GRK7: variants seen among roughly 807,000 people sequenced by gnomAD.
The protein encoded by GRK7 is rhodopsin kinase GRK7.
A neutral mutation model predicts 34.1 loss-of-function variants in GRK7; 24 were observed. The ratio of observed to expected loss-of-function variants is 0.70; its 90% CI spans 0.51 to 0.99. The LOEUF (loss-of-function observed/expected upper bound fraction) is 0.99, where lower values mean the gene tolerates loss of function less well. Among genes scored for constraint, GRK7 ranks in the 50% least tolerant of loss-of-function variants. The pLI is 0.00. For synonymous variants in GRK7, 256 were observed against 279.4 expected (o/e 0.92, Z 0.84); for missense variants, 644 against 707.3 (o/e 0.91, Z 1.02).
At position 141,773,397 on chromosome 3, in the gene GRK7, ATCT is replaced by A. The variant is rs1483688988; in HGVS notation, c.-214-1176_-214-1174del. Among the ~76,000 whole-genome samples, 4 of 152,072 alleles carry A rather than the reference ATCT, an allele frequency of 2.6e-5. No homozygotes were observed. In the East Asian group the frequency reaches 5.8e-4, roughly 22 times the overall value. On this transcript the variant is annotated intron_variant, in intron 1 of 5. Coordinates refer to ENST00000682958, the MANE Select transcript of GRK7 (RefSeq NM_139209.3). ...AGATGTGCATGGGACACAGGAACCC[ATCT>A]TCTTCTACATCGCTTAGGCCTTTCT...
At position 141,818,427 on chromosome 3, in the gene GRK7, G is replaced by C. The variant is rs1711175396; in HGVS notation, c.*1377G>C. 2.0e-5 allele frequency: 3 copies of C among 152,806 alleles called. No individual in the cohort carries two copies. The South Asian group carries it at 6.2e-4, about 32-fold the overall frequency. 9.5% of individuals were successfully genotyped at this position (152,806 alleles called of 1,614,324 possible). ...ACCCAGGAGGCGGAGGTTGTAGTGA[G>C]CCAAGATCGCAACATTGCACTCCAG... On this transcript the variant is annotated 3_prime_UTR_variant, in exon 6 of 6. Coordinates refer to ENST00000682958, the MANE Select transcript of GRK7 (RefSeq NM_139209.3).
At chr3:141,773,607 G>A (rs2084626347) in intron 1 of GRK7, among the ~76,000 whole-genome samples, 1 of 152,086 alleles carries the variant, frequency 6.6e-6, no homozygotes. Flanking sequence ...CACCTCCCGG[G>A]GTTTCACCGT....
chr3:141,795,521 G>C (rs1317525518), intron 4 of GRK7, among the ~76,000 whole-genome samples: 1 of 152,144 alleles, frequency 6.6e-6, no homozygotes, highest in African/African-American at 2.4e-5. Context: ...GGTGACTAAC[G>C]ATACAACTAG....
chr3:141,810,879 A>C (rs1303626793), intron 5 of GRK7, among the ~76,000 whole-genome samples: 1 of 152,092 alleles, frequency 6.6e-6, no homozygotes, highest in African/African-American at 2.4e-5. Context: ...AATCACTAAC[A>C]ATCTCTACCC....
At position 141,780,623 on chromosome 3, in the gene GRK7, C is replaced by T; in HGVS notation, c.862C>T (p.Leu288=). Residue 288 remains leucine (L), a synonymous_variant, in exon 4 of 6, where the codon CTG becomes TTG. Transcript: ENST00000682958. ...FHIYNVGTRG[L]DMSRVIFYSA... ...CATCTACAACGTGGGCACGCGTGGC[C>T]TGGACATGAGCCGGGTGATCTTTTA... 6.2e-7 allele frequency: 1 copy of T among 1,614,232 alleles called. No homozygotes were observed. Among genetic ancestry groups the T allele is most frequent in the Non-Finnish European group, 8.5e-7 (1 of 1,180,046 alleles).
At chr3:141,772,974 A>G (rs1037056918) in intron 1 of GRK7, among the ~76,000 whole-genome samples, 1 of 152,012 alleles carries the variant, frequency 6.6e-6, no homozygotes, top group Non-Finnish European at 1.5e-5. Context: ...CATCTCTACT[A>G]AAAATACAAA....
chr3:141,794,747 A>G (rs2084741186), intron 4 of GRK7, among the ~76,000 whole-genome samples: 1 of 152,238 alleles, frequency 6.6e-6, no homozygotes, highest in African/African-American at 2.4e-5. Context: ...TAGTGGAGAC[A>G]GAACGCAGTG....
chr3:141,753,049 T>C, the GRK7 span, among the ~76,000 whole-genome samples: 1 of 152,192 alleles, frequency 6.6e-6, no homozygotes, highest in East Asian at 1.9e-4. Flanking sequence ...TGGCATTTTG[T>C]TTGGCAGCCC....
rs188770241 is a variant in GRK7, at chr3:141,812,842, G to A, written c.1326-3872G>A. On this transcript the variant is annotated intron_variant, in intron 5 of 5. Transcript: ENST00000682958. The stretch of plus-strand genomic sequence containing the variant: ...CTCATGTGAAAGCTGCTTAGACTGG[G>A]TTTTAAGGGCCCTTTTGACACCTGA... Among the ~76,000 whole-genome samples the A allele has an allele frequency of 3.9e-4, 60 of 152,238 alleles. 1 individual carries two copies. The East Asian group carries it at 0.011, about 28-fold the overall frequency.
chr3:141,775,864 G>A (rs1038622385), intron 2 of GRK7, among the ~76,000 whole-genome samples: 1 of 151,712 alleles, frequency 6.6e-6, no homozygotes, highest in African/African-American at 2.4e-5. Context: ...TTTTCTACTG[G>A]GCAGTATTGG....
intron 1 of GRK7, among the ~76,000 whole-genome samples, 142 bp downstream of exon 1, chr3:141,765,880 C>G (rs538195539): frequency 3.3e-5 from 5 of 152,212 alleles, no homozygotes; most frequent in African/African-American, 4.8e-5. Context: ...GTACTACTTA[C>G]GAATTCTCTT....
chr3:141,778,295 TG>T lies in GRK7; in HGVS notation c.16del (p.Ala6ProfsTer5). On this transcript the variant is annotated frameshift_variant, in exon 3 of 6. Transcript: ENST00000682958. LOFTEE classifies it high-confidence loss of function. The surrounding 1 kb of genome is among the most constrained non-coding windows in gnomAD (Gnocchi z 4.1). ...GCCCCGTGCTCAGCCATGGTGGACA[TG>T]GGGGCCCTGGACAACCTGATCGCCA... MVD[M>X]GALDNLIANT... The T allele has an allele frequency of 6.4e-7, 1 of 1,571,028 alleles. No homozygotes were observed. Among genetic ancestry groups the T allele is most frequent in the Non-Finnish European group, 8.6e-7 (1 of 1,156,158 alleles).
intron 2 of GRK7, among the ~76,000 whole-genome samples, chr3:141,777,699 T>A (rs1387055644): frequency 4.0e-5 from 6 of 150,972 alleles, no homozygotes; most frequent in Non-Finnish European, 8.8e-5. Flanking sequence ...AACACTGGAG[T>A]CCTTAGGGCC....
chr3:141,750,752 G>C, the GRK7 span, among the ~76,000 whole-genome samples: 3 of 149,384 alleles, frequency 2.0e-5, no homozygotes, highest in African/African-American at 7.5e-5. Flanking sequence ...CTTCAGGAGA[G>C]TGGTTTATAA....
chr3:141,760,049 TTTTC>T (rs2084548376), upstream of GRK7, among the ~76,000 whole-genome samples: 1 of 142,614 alleles, frequency 7.0e-6, no homozygotes, highest in Admixed American at 7.1e-5. Context: ...TTCTCTCTTT[TTTTC>T]TTTATTAGTC....
chr3:141,778,628 G>C lies in GRK7; in HGVS notation c.344G>C (p.Ser115Thr). ...CAGGGGCTGGTGGCCACTTGTGCGA[G>C]TGCCCCTGCCCCGGGGAACCCGCAA... ...ALQGLVATCA[S>T]APAPGNPQPF... Residue 115 changes from serine to threonine, a missense_variant, in exon 3 of 6, where the codon AGT becomes ACT. Physicochemically the swap from Ser to Thr is moderately conservative, Grantham distance 58. Coordinates refer to ENST00000682958, the MANE Select transcript of GRK7 (RefSeq NM_139209.3). This position sits in a 1 kb window ranked among gnomAD's most constrained non-coding sequence, Gnocchi z 4.1. The C allele has an allele frequency of 6.2e-7, 1 of 1,612,424 alleles. No individual in the cohort carries two copies. Among genetic ancestry groups the C allele is most frequent in the Admixed American group, 1.7e-5 (1 of 59,928 alleles).
chr3:141,756,653 T>C, the GRK7 span, among the ~76,000 whole-genome samples: 3 of 152,230 alleles, frequency 2.0e-5, no homozygotes, highest in South Asian at 6.2e-4. Context: ...TTTTACTCTA[T>C]GTAAAACCTG....
the GRK7 span, among the ~76,000 whole-genome samples, chr3:141,752,584 A>T: frequency 2.6e-5 from 4 of 152,220 alleles, no homozygotes; most frequent in South Asian, 2.1e-4. Flanking sequence ...ATGGCCATTG[A>T]TAATAATCAA....
In GRK7 at chr3:141,807,681, A is replaced by G; in HGVS notation, c.1087A>G (p.Met363Val). 2 of 1,614,180 alleles carry G rather than the reference A, an allele frequency of 1.2e-6. No homozygotes were observed. The highest frequency in any genetic ancestry group is 1.3e-5 in the African/African-American group (1 of 75,062). ...TNGYMAPEIL[M>V]EKVSYSYPVD... ...TGGTTACATGGCTCCTGAGATCCTA[A>G]TGGAAAAGGTAAGTTATTCCTATCC... Residue 363 changes from methionine (M) to valine (V), a missense_variant, in exon 5 of 6, where the codon ATG becomes GTG. Transcript: ENST00000682958.
Sources: allele counts gnomAD v4.1 joint callset (sites outside exome capture counted in the v4.1 genomes callset), GRCh38; gene constraint gnomAD v4.1.1; non-coding constraint Gnocchi (gnomAD v3.1); transcripts MANE v1.5; gene names NCBI Gene and HGNC (gene_info 2026-07-23, HGNC 2026-07-21).